Variants in FBLN5 observed in about 807,000 individuals in gnomAD.
FBLN5 encodes the protein fibulin-5.
In FBLN5, 24 loss-of-function variants were observed where a neutral mutation model predicts 61.6. The ratio of observed to expected loss-of-function variants is 0.39; its 90% CI spans 0.28 to 0.55. The LOEUF (loss-of-function observed/expected upper bound fraction) is 0.55. Ranked by LOEUF, FBLN5 falls within the 20% of genes least tolerant of loss-of-function variation. FBLN5 has a pLI of 0.65. For synonymous variants in FBLN5, 213 were observed against 219.8 expected, an observed-to-expected ratio of 0.97 and a Z score of 0.27; for missense variants, 470 against 594.1, an observed-to-expected ratio of 0.79 and a Z score of 2.17.
chr14:91,889,099 A>G (rs989701732), intron 6 of FBLN5, among the ~76,000 whole-genome samples: 1 of 152,138 alleles, frequency 6.6e-6, no homozygotes, highest in Non-Finnish European at 1.5e-5. Context: ...AAATAAATGA[A>G]CAGCTGTAGA....
chr14:91,870,140 C>A lies in FBLN5; in HGVS notation c.*84G>T. 1 of 1,385,302 alleles carries A rather than the reference C, an allele frequency of 7.2e-7. No homozygotes were observed. Among genetic ancestry groups the A allele is most frequent in the African/African-American group, 1.4e-5 (1 of 70,530 alleles). The allele number at this position is 1,385,302 out of a possible 1,614,324, so 85.8% of individuals were successfully genotyped here. On this transcript the variant is annotated 3_prime_UTR_variant, in exon 11 of 11. Transcript: ENST00000342058. ...AGCAGGAAATGCCTAACGTCTGTGT[C>A]GCTCTCATTCTCTCTGTTATTTCCT...
intron 4 of FBLN5, among the ~76,000 whole-genome samples, chr14:91,915,425 C>T (rs1891148037): frequency 6.6e-6 from 1 of 152,020 alleles, no homozygotes; most frequent in African/African-American, 2.4e-5. Flanking sequence ...GTGGCTCACG[C>T]CTGTAATCCC....
chr14:91,879,516 A>G (rs1316233082), intron 9 of FBLN5, among the ~76,000 whole-genome samples: 12 of 152,202 alleles, frequency 7.9e-5, no homozygotes, highest in Non-Finnish European at 1.6e-4. Flanking sequence ...AGACTCCACC[A>G]GTAACTCCAG....
At chr14:91,911,767 A>G (rs1890951964) in intron 4 of FBLN5, among the ~76,000 whole-genome samples, 1 of 148,966 alleles carries the variant, frequency 6.7e-6, no homozygotes, top group South Asian at 2.3e-4. Context: ...CTGCAGGGCT[A>G]AGGAGGCCCT....
chr14:91,892,741 G>T (rs1357800571), intron 5 of FBLN5, among the ~76,000 whole-genome samples: 1 of 152,202 alleles, frequency 6.6e-6, no homozygotes, highest in African/African-American at 2.4e-5. Flanking sequence ...TGGAAAAAAG[G>T]CAGCCCCCCT....
chr14:91,896,428 C>A (rs926349176), intron 4 of FBLN5, among the ~76,000 whole-genome samples: 2 of 143,330 alleles, frequency 1.4e-5, no homozygotes, highest in East Asian at 2.1e-4. Context: ...TCATCTACAC[C>A]TTTTCTCCAC....
intron 4 of FBLN5, among the ~76,000 whole-genome samples, chr14:91,911,746 A>T (rs1397210055): frequency 2.0e-5 from 3 of 149,276 alleles, no homozygotes. Context: ...CACTGCCTAA[A>T]CCTCTTACCT....
chr14:91,914,216 G>A (rs1891082883), intron 4 of FBLN5, among the ~76,000 whole-genome samples: 1 of 151,898 alleles, frequency 6.6e-6, no homozygotes, highest in Admixed American at 6.6e-5. Context: ...AGTAGCTCAT[G>A]CCTGTAATCC....
At chr14:91,927,117 C>A (rs1196277765) in intron 4 of FBLN5, among the ~76,000 whole-genome samples, 1 of 152,162 alleles carries the variant, frequency 6.6e-6, no homozygotes, top group African/African-American at 2.4e-5. Context: ...ATAGCTTGGG[C>A]CTATGGGATG....
chr14:91,912,156 A>G (rs1338330045), intron 4 of FBLN5, among the ~76,000 whole-genome samples: 3 of 152,182 alleles, frequency 2.0e-5, no homozygotes. Flanking sequence ...AAGTTCTAAC[A>G]TTTCCCTTTG....
chr14:91,945,910 A>G (rs1376157099), intron 1 of FBLN5, among the ~76,000 whole-genome samples: 6 of 152,086 alleles, frequency 3.9e-5, no homozygotes, highest in Non-Finnish European at 8.8e-5. Flanking sequence ...AACAATAACA[A>G]ATTTATTTTC....
intron 6 of FBLN5, among the ~76,000 whole-genome samples, chr14:91,889,477 G>T (rs535812646): frequency 4.6e-5 from 7 of 152,212 alleles, no homozygotes; most frequent in Non-Finnish European, 8.8e-5. Context: ...CAAGAAGTCT[G>T]GGCCCCTGGT....
At chr14:91,901,266 G>T (rs946280762) in intron 4 of FBLN5, among the ~76,000 whole-genome samples, 8 of 152,150 alleles carry the variant, frequency 5.3e-5, no homozygotes, top group African/African-American at 1.9e-4. Context: ...CCTAACGTCG[G>T]CTGAATATCT....
At chr14:91,893,998 T>C (rs1304233571) in intron 5 of FBLN5, among the ~76,000 whole-genome samples, 1 of 152,170 alleles carries the variant, frequency 6.6e-6, no homozygotes, top group Non-Finnish European at 1.5e-5. Context: ...AGCAAAATCA[T>C]CCTCACCTCT....
chr14:91,922,458 G>C (rs1039372050), intron 4 of FBLN5, among the ~76,000 whole-genome samples: 2 of 152,172 alleles, frequency 1.3e-5, no homozygotes, highest in Admixed American at 1.3e-4. Flanking sequence ...GCGAGAAGCA[G>C]TGTTCCAGTG....
chr14:91,895,510 T>C (rs1224854375), intron 4 of FBLN5, among the ~76,000 whole-genome samples: 2 of 151,748 alleles, frequency 1.3e-5, no homozygotes, highest in African/African-American at 4.8e-5. Flanking sequence ...GTAAAGGAAA[T>C]GTCCCCAGCT....
At chr14:91,887,149 G>A in intron 7 of FBLN5, 44 bp downstream of exon 7, 1 of 1,611,236 alleles carries the variant, frequency 6.2e-7, no homozygotes, top group Non-Finnish European at 8.5e-7. Context: ...CCCCTGCCCA[G>A]GCCCCAAGTA....
At chr14:91,916,983 C>T (rs72705360) in intron 4 of FBLN5, among the ~76,000 whole-genome samples, 69 of 152,298 alleles carry the variant, frequency 4.5e-4, no homozygotes, top group Admixed American at 8.5e-4. Flanking sequence ...CCATGGGTTG[C>T]TAGTCATTGT....
chr14:91,942,623 A>C (rs1330154624), intron 2 of FBLN5, among the ~76,000 whole-genome samples: 1 of 152,230 alleles, frequency 6.6e-6, no homozygotes, highest in Admixed American at 6.5e-5. Context: ...CACATCCTGC[A>C]CATGTACCCT....
Sources: allele counts gnomAD v4.1 joint callset (sites outside exome capture counted in the v4.1 genomes callset), GRCh38; gene constraint gnomAD v4.1.1; transcripts MANE v1.5; gene names NCBI Gene and HGNC (gene_info 2026-07-23, HGNC 2026-07-21).